The following GDAP1L1 variants were observed in gnomAD, a reference collection of about 807,000 sequenced individuals.
The protein encoded by GDAP1L1 is ganglioside induced differentiation associated protein 1 like 1.
In GDAP1L1, 21 loss-of-function variants were observed where a neutral mutation model predicts 37.1. That is an observed-to-expected ratio of 0.57 (90% CI 0.40 to 0.81). The LOEUF (loss-of-function observed/expected upper bound fraction) is 0.81. Ranked by LOEUF, GDAP1L1 falls within the 40% of genes least tolerant of loss-of-function variation. The probability of loss-of-function intolerance (pLI) is 0.00; values close to 1 mark genes in which losing one functional copy is unlikely to be tolerated. For missense variants in GDAP1L1, 362 were observed against 491.6 expected (o/e 0.74, Z 2.49); for synonymous variants, 193 against 209.1 (o/e 0.92, Z 0.67).
intron 5 of GDAP1L1, among the ~76,000 whole-genome samples, chr20:44,276,264 G>C (rs187637070): frequency 2.0e-5 from 3 of 151,684 alleles, no homozygotes; most frequent in Admixed American, 2.0e-4. Context: ...GAACCCTGGA[G>C]GTGGAGGTTG....
chr20:44,268,814 G>A (rs550860095), intron 5 of GDAP1L1, among the ~76,000 whole-genome samples: 272 of 152,294 alleles, frequency 1.8e-3, no homozygotes, highest in Middle Eastern at 0.01. Context: ...GAGCTGGAGC[G>A]GGTGAGGTGA....
intron 1 of GDAP1L1, among the ~76,000 whole-genome samples, chr20:44,253,209 C>A (rs571948345): frequency 1.1e-4 from 16 of 152,302 alleles, no homozygotes; most frequent in Non-Finnish European, 1.9e-4. Flanking sequence ...TGCCTGCCCC[C>A]ACGGACATGT....
In GDAP1L1 at chr20:44,258,619, G is replaced by C; in HGVS notation, c.547+12G>C. On this transcript the variant is annotated intron_variant, in intron 3 of 5. Transcript: ENST00000342560. ...GGCCGAGATCCGCAGTGAGTGCCAGGGCGGCGAGACAGCCCCTCTGCTTTC... is the reference window on the plus strand; with the variant it reads ...GGCCGAGATCCGCAGTGAGTGCCAGCGCGGCGAGACAGCCCCTCTGCTTTC... 1.9e-6 allele frequency: 3 copies of C among 1,585,664 alleles called. No homozygotes were observed. Among genetic ancestry groups the C allele is most frequent in the Non-Finnish European group, 2.6e-6 (3 of 1,164,210 alleles).
intron 2 of GDAP1L1, chr20:44,258,230 C>T: frequency 2.8e-6 from 2 of 721,242 alleles, no homozygotes; most frequent in Middle Eastern, 2.3e-4. Context: ...AGGAGCTAAC[C>T]CTCGGGGACA....
chr20:44,263,116 G>T (rs907241448), intron 3 of GDAP1L1, 114 bp from the exon 4 acceptor site: 1 of 799,900 alleles, frequency 1.3e-6, no homozygotes, highest in Middle Eastern at 2.7e-4. Flanking sequence ...GCTGTCGACA[G>T]TATTACTCTT....
chr20:44,266,962 A>G (rs370346665), intron 5 of GDAP1L1, among the ~76,000 whole-genome samples: 1 of 152,206 alleles, frequency 6.6e-6, no homozygotes, highest in African/African-American at 2.4e-5. Flanking sequence ...CTTAAAAAAC[A>G]TCGCAAAAAA....
intron 5 of GDAP1L1, among the ~76,000 whole-genome samples, chr20:44,271,789 G>A (rs1208045751): frequency 2.0e-5 from 3 of 152,272 alleles, no homozygotes; most frequent in Middle Eastern, 3.4e-3. Context: ...CAGGAGGGGC[G>A]TGGTTCAGGC....
intron 1 of GDAP1L1, among the ~76,000 whole-genome samples, chr20:44,253,644 G>A (rs1487278844): frequency 6.6e-6 from 1 of 152,200 alleles, no homozygotes; most frequent in Non-Finnish European, 1.5e-5. Context: ...ACTAAGTGGT[G>A]ACCACCTAGG....
At chr20:44,260,779 A>T (rs1337211856) in intron 3 of GDAP1L1, among the ~76,000 whole-genome samples, 1 of 152,120 alleles carries the variant, frequency 6.6e-6, no homozygotes. Flanking sequence ...GTGTAGCCCA[A>T]GGTGGGGTGG....
In GDAP1L1 at chr20:44,247,462, C is replaced by T. The variant is rs1345941712; in HGVS notation, c.128C>T (p.Pro43Leu). The T allele has an allele frequency of 6.2e-7, 1 of 1,603,092 alleles. No homozygotes were observed. The highest frequency in any genetic ancestry group is 8.5e-7 in the Non-Finnish European group (1 of 1,175,190). ...GAGGCGGCCAGCCCCGCCCATTGGC[C>T]CAGGGAGAGCCTGGTTCTGTACCAC... is the stretch of plus-strand genomic sequence containing the variant. ...APEAASPAHW[P>L]RESLVLYHWT... is the part of the protein sequence containing the mutation. Residue 43 changes from proline to leucine, a missense_variant, in exon 1 of 6, where the codon CCC becomes CTC. Pro to Leu is a moderately conservative substitution (Grantham distance 98). Transcript: ENST00000342560.
chr20:44,266,250 G>A (rs1332537489), intron 5 of GDAP1L1, among the ~76,000 whole-genome samples: 2 of 152,116 alleles, frequency 1.3e-5, no homozygotes, highest in Non-Finnish European at 2.9e-5. Flanking sequence ...AGAGGTTGCA[G>A]TGAACTCAGA....
chr20:44,257,990 C>T (rs143944699), intron 2 of GDAP1L1, among the ~76,000 whole-genome samples: 1,893 of 152,288 alleles, frequency 0.012, 51 homozygotes, highest in African/African-American at 0.043. Context: ...CCCGTCCTCT[C>T]CCCTCGTAGG....
intron 3 of GDAP1L1, among the ~76,000 whole-genome samples, chr20:44,261,501 A>G (rs543700564): frequency 6.6e-6 from 1 of 152,276 alleles, no homozygotes; most frequent in Non-Finnish European, 1.5e-5. Context: ...ACACTCACTG[A>G]GCTCCTGCTC....
chr20:44,278,862 G>A, intron 5 of GDAP1L1, 95 bp from the exon 6 acceptor site: 1 of 772,084 alleles, frequency 1.3e-6, no homozygotes, highest in Middle Eastern at 4.0e-4. Context: ...AAAATACTGG[G>A]GCAGGCATGC....
intron 5 of GDAP1L1, among the ~76,000 whole-genome samples, chr20:44,275,380 T>C (rs1339043864): frequency 6.6e-6 from 1 of 152,036 alleles, no homozygotes; most frequent in Non-Finnish European, 1.5e-5. Flanking sequence ...ACCAAGAAGA[T>C]GTAGAGCAGA....
Position 44,279,927 on chromosome 20 carries a change from T to C in GDAP1L1, c.*627T>C. The C allele has an allele frequency of 2.7e-6, 1 of 375,078 alleles. No individual in the cohort carries two copies. Among genetic ancestry groups the C allele is most frequent in the Non-Finnish European group, 5.3e-6 (1 of 189,026 alleles). The allele number at this position is 375,078 out of a possible 1,614,324, so 23.2% of individuals were successfully genotyped here. On this transcript the variant is annotated 3_prime_UTR_variant, in exon 6 of 6. Coordinates refer to ENST00000342560, the MANE Select transcript of GDAP1L1 (RefSeq NM_024034.6). ...GGGGACGGATACCATGAGCACACCC[T>C]CTCATTGTCCTTCTGATTTGGTCCA...
chr20:44,264,971 C>G (rs1037957342), intron 5 of GDAP1L1: 1 of 985,102 alleles, frequency 1.0e-6, no homozygotes, highest in Non-Finnish European at 1.2e-6. Context: ...CTCGATGGGT[C>G]CAGTGTTGTT....
intron 5 of GDAP1L1, among the ~76,000 whole-genome samples, chr20:44,267,242 C>CGATCCTGTTTAACAGATGAG (rs2073773998): frequency 6.6e-6 from 1 of 152,156 alleles, no homozygotes; most frequent in South Asian, 2.1e-4. Flanking sequence ...GTAATATCAG[C>CGATCCTGTTTAACAGATGAG]GATCCTGTTT....
chr20:44,276,441 AAAG>A (rs201514628), intron 5 of GDAP1L1, among the ~76,000 whole-genome samples: 10,898 of 150,014 alleles, frequency 0.073, 871 homozygotes, highest in East Asian at 0.29. Flanking sequence ...AGAAAGAAAG[AAAG>A]AAAGAAAGAA....
Sources: gnomAD v4.1 joint callset for allele counts (sites outside exome capture counted in the v4.1 genomes callset) on GRCh38, gnomAD v4.1.1 for gene constraint, MANE v1.5 for transcripts, NCBI Gene and HGNC (gene_info 2026-07-23, HGNC 2026-07-21) for gene names.